Variants in MANEA observed in about 807,000 individuals in gnomAD.
MANEA encodes the protein mannosidase endo-alpha.
MANEA carries 25 observed loss-of-function variants against 36.8 expected under a neutral mutation model. That is an observed-to-expected ratio of 0.68 (90% confidence interval 0.50 to 0.95). The LOEUF is 0.95. Ranked by LOEUF, MANEA falls within the 40% of genes least tolerant of loss-of-function variation. The pLI is 0.00. For synonymous variants in MANEA, 198 were observed against 188.5 expected (o/e 1.05, Z -0.41); for missense variants, 565 against 558.8 (o/e 1.01, Z -0.11).
chr6:95,579,978 T>G, intron 1 of MANEA, among the ~76,000 whole-genome samples: 1 of 152,228 alleles, frequency 6.6e-6, no homozygotes, highest in Non-Finnish European at 1.5e-5. Context: ...TGGTGACTTA[T>G]AATACTTTTC....
chr6:95,599,822 CT>C (rs1230892401), intron 3 of MANEA, among the ~76,000 whole-genome samples: 1 of 152,146 alleles, frequency 6.6e-6, no homozygotes, highest in African/African-American at 2.4e-5. Context: ...CTCAAATTAG[CT>C]GTCTAGCAAG....
Position 95,577,570 on chromosome 6 carries a change from A to G in MANEA, c.-107A>G, listed in dbSNP as rs9320526. ...CTGGGCTCGGGGCGCGGCGGCAGTC[A>G]GCTCTATGTTCGCGGTCTTAACCTC... On this transcript the variant is annotated 5_prime_UTR_variant, in exon 1 of 5. Coordinates refer to ENST00000358812, the MANE Select transcript of MANEA (RefSeq NM_024641.4). 0.43 allele frequency: 65,556 copies of G among 152,174 alleles called. 14,504 individuals carry two copies. Among genetic ancestry groups the G allele is most frequent in the Middle Eastern group, 0.58 (172 of 296 alleles). 9.4% of individuals were successfully genotyped at this position (152,174 alleles called of 1,614,324 possible).
intron 1 of MANEA, among the ~76,000 whole-genome samples, chr6:95,582,380 T>G (rs1201100811): frequency 6.6e-6 from 1 of 152,038 alleles, no homozygotes; most frequent in African/African-American, 2.4e-5. Flanking sequence ...AGATGGAGTT[T>G]CACCGTGTTA....
intron 1 of MANEA, among the ~76,000 whole-genome samples, chr6:95,580,379 G>A (rs1429131991): frequency 2.0e-5 from 3 of 152,112 alleles, no homozygotes; most frequent in East Asian, 3.8e-4. Context: ...AACTTAAGGA[G>A]CAATCTAGTA....
At chr6:95,590,700 A>G (rs879575966) in intron 2 of MANEA, among the ~76,000 whole-genome samples, 1 of 152,212 alleles carries the variant, frequency 6.6e-6, no homozygotes, top group Non-Finnish European at 1.5e-5. Context: ...TCATATTGCT[A>G]TAGATGCCCA....
At chr6:95,600,161 G>A (rs1020908117) in intron 3 of MANEA, among the ~76,000 whole-genome samples, 3 of 151,966 alleles carry the variant, frequency 2.0e-5, no homozygotes, top group Non-Finnish European at 2.9e-5. Flanking sequence ...CAAAGAGCTC[G>A]ACCACTAATT....
Position 95,606,193 on chromosome 6 carries a change from C to T in MANEA, c.1177C>T (p.Arg393Cys), listed in dbSNP as rs150823996. The change falls in exon 5 of 5, where the codon CGC (arginine) becomes TGC (cysteine). Residue 393 changes from arginine (R) to cysteine (C), a missense_variant. Transcript: ENST00000358812. ...TGGTCTGAGTGCCGCACTTCAGACA[C>T]GCCCCAGCTTAATTTCTATCACCTC... ...EIGLSAALQT[R>C]PSLISITSFN... is the part of the protein sequence containing the mutation. 1,028 of 1,613,974 alleles carry T rather than the reference C, an allele frequency of 6.4e-4. 8 individuals are homozygous for T. Among genetic ancestry groups the T allele is most frequent in the Middle Eastern group, 5.3e-3 (32 of 6,060 alleles).
intron 1 of MANEA, among the ~76,000 whole-genome samples, chr6:95,578,401 G>A (rs879491279): frequency 7.9e-5 from 12 of 152,152 alleles, no homozygotes; most frequent in African/African-American, 2.9e-4. Flanking sequence ...ACAAGGGGGG[G>A]ATAATGTTGA....
At chr6:95,597,746 G>A (rs1395486586) in intron 3 of MANEA, among the ~76,000 whole-genome samples, 37 of 151,814 alleles carry the variant, frequency 2.4e-4, no homozygotes, top group South Asian at 2.1e-4. Context: ...ATACCAATGG[G>A]ACCTAAATAA....
Position 95,609,231 on chromosome 6 carries a change from TATTA to T in MANEA, c.*2830_*2833del, listed in dbSNP as rs981508031. On this transcript the variant is annotated 3_prime_UTR_variant, in exon 5 of 5. Coordinates refer to ENST00000358812, the MANE Select transcript of MANEA (RefSeq NM_024641.4). ...AATCATAATGGATTCTTTTATAAGT[TATTA>T]ATTTTTATGGTTTAATCAGTCTAAT... 1 of 151,764 alleles carries T rather than the reference TATTA, an allele frequency of 6.6e-6. No individual in the cohort carries two copies. The highest frequency in any genetic ancestry group is 6.6e-5 in the Admixed American group (1 of 15,222). The allele number at this position is 151,764 out of a possible 1,614,324, so 9.4% of individuals were successfully genotyped here.
intron 1 of MANEA, among the ~76,000 whole-genome samples, chr6:95,578,115 A>G (rs1183174031): frequency 1.3e-5 from 2 of 152,154 alleles, no homozygotes; most frequent in African/African-American, 4.8e-5. Context: ...TGCAACGGAA[A>G]GGTAGCTGTC....
In MANEA at chr6:95,601,716, A is replaced by ATTTTTTT. The variant is rs67335804; in HGVS notation, c.655-3089_655-3083dup. Among the ~76,000 whole-genome samples, 159 of 64,986 alleles carry ATTTTTTT rather than the reference A, an allele frequency of 2.4e-3. 6 individuals are homozygous for ATTTTTTT. Among genetic ancestry groups the ATTTTTTT allele is most frequent in the Non-Finnish European group, 3.5e-3 (129 of 37,290 alleles). The allele number at this position is 64,986 out of a possible 152,430, so 42.6% of individuals were successfully genotyped here. A position where few individuals can be genotyped will look rare whatever the true frequency, so the allele number is the denominator to read the frequency against. On this transcript the variant is annotated intron_variant, in intron 3 of 4. Transcript: ENST00000358812. ...AAAAGAAAATTAGGCAGATTCAGTG[A>ATTTTTTT]TTTTTTTTTTTTTTTTTTTTTTTTT...
chr6:95,586,621 T>G lies in MANEA; in HGVS notation c.182T>G (p.Phe61Cys). Residue 61 changes from phenylalanine to cysteine, a missense_variant, in exon 2 of 5, where the codon TTC becomes TGC. Coordinates refer to ENST00000358812, the MANE Select transcript of MANEA (RefSeq NM_024641.4). ...RTIHLGKNFD[F>C]QKSDRINSET... ...ATTCATTTGGGGAAAAATTTTGATT[T>G]CCAAAAGAGTGACAGAATCAACAGT... 5 of 1,614,012 alleles carry G rather than the reference T, an allele frequency of 3.1e-6. No individual in the cohort carries two copies. The highest frequency in any genetic ancestry group is 4.2e-6 in the Non-Finnish European group (5 of 1,179,988).
At chr6:95,593,663 T>A (rs1171723638) in intron 2 of MANEA, among the ~76,000 whole-genome samples, 1 of 152,126 alleles carries the variant, frequency 6.6e-6, no homozygotes, top group African/African-American at 2.4e-5. Context: ...ATGGTAGATA[T>A]GGGTATTATT....
At position 95,586,870 on chromosome 6, in the gene MANEA, A is replaced by G. The variant is rs144712371; in HGVS notation, c.431A>G (p.His144Arg). The G allele has an allele frequency of 2.0e-5, 32 of 1,613,564 alleles. No individual in the cohort carries two copies. The highest frequency in any genetic ancestry group is 2.5e-5 in the Non-Finnish European group (30 of 1,179,616). ...RIAKNYPQGR[H>R]NPPDDIGSSF... ...GCCAAGAATTATCCACAAGGGAGAC[A>G]CAACCCTCCAGATGACATTGGCTCC... Residue 144 changes from histidine (H) to arginine (R), a missense_variant, in exon 2 of 5, where the codon CAC (histidine) becomes CGC (arginine). By Grantham distance (29) the His-to-Arg change is conservative (BLOSUM62 0). Transcript: ENST00000358812.
intron 4 of MANEA, 59 bp from the exon 5 acceptor site, chr6:95,605,689 T>C: frequency 7.6e-7 from 1 of 1,315,294 alleles, no homozygotes. Context: ...AAACAGTTTT[T>C]GTCTGTGGCA....
At chr6:95,591,703 G>A (rs1241495793) in intron 2 of MANEA, among the ~76,000 whole-genome samples, 1 of 151,786 alleles carries the variant, frequency 6.6e-6, no homozygotes, top group African/African-American at 2.4e-5. Context: ...AGTGATTATT[G>A]TTATTGTTTT....
rs575885606 is a variant in MANEA, at chr6:95,605,724, C to T, written c.732-24C>T. On this transcript the variant is annotated intron_variant, in intron 4 of 4. Coordinates refer to ENST00000358812, the MANE Select transcript of MANEA (RefSeq NM_024641.4). ...AAATTAGTTGTGAATATTCATTTCACTTTTATATATGCTTATTTTCTAGAT... is the reference window on the plus strand; with the variant it reads ...AAATTAGTTGTGAATATTCATTTCATTTTTATATATGCTTATTTTCTAGAT... The T allele has an allele frequency of 2.7e-4, 420 of 1,572,376 alleles. 7 individuals carry two copies. In the South Asian group the frequency reaches 4.5e-3, roughly 17 times the overall value.
In MANEA at chr6:95,586,981, T is replaced by C. The variant is rs113930286; in HGVS notation, c.542T>C (p.Ile181Thr). ...THMRQMRSAS[I>T]GVLALSWYPP... is the part of the protein sequence containing the mutation. ...ATGAGACAAATGCGCTCAGCTTCAA[T>C]TGGTAATTATTGTATATATATATAT... Residue 181 changes from isoleucine to threonine, a missense_variant and splice_region_variant, in exon 2 of 5, where the codon ATT becomes ACT. By Grantham distance (89) the Ile-to-Thr change is moderately conservative (BLOSUM62 -1). Coordinates refer to ENST00000358812, the MANE Select transcript of MANEA (RefSeq NM_024641.4). The C allele has an allele frequency of 4.6e-4, 704 of 1,536,364 alleles. 8 individuals carry two copies. The African/African-American group carries it at 8.6e-3, about 19-fold the overall frequency.
Sources: allele counts gnomAD v4.1 joint callset (sites outside exome capture counted in the v4.1 genomes callset), GRCh38; gene constraint gnomAD v4.1.1; transcripts MANE v1.5; gene names NCBI Gene and HGNC (gene_info 2026-07-23, HGNC 2026-07-21).